Variants in CTNNA2 observed in about 807,000 individuals in gnomAD.
CTNNA2 encodes the protein catenin alpha 2.
CTNNA2 carries 42 observed loss-of-function variants against 101.0 expected under a neutral mutation model. That is an observed-to-expected ratio of 0.42 (90% CI 0.32 to 0.54). The LOEUF (loss-of-function observed/expected upper bound fraction) is 0.54. Ranked by LOEUF, CTNNA2 falls within the 20% of genes least tolerant of loss-of-function variation. The pLI, the probability that CTNNA2 is intolerant of heterozygous loss-of-function variation, is 0.14. For missense variants in CTNNA2, 871 were observed against 1,223.1 expected (o/e 0.71, Z 4.29); for synonymous variants, 450 against 456.4 (o/e 0.99, Z 0.18).
At chr2:79,248,781 GC>G (rs1674730658) in intron 2 of CTNNA2, among the ~76,000 whole-genome samples, 1 of 152,176 alleles carries the variant, frequency 6.6e-6, no homozygotes, top group African/African-American at 2.4e-5. Context: ...TTTGTACCAA[GC>G]AGGAAAGCTT....
chr2:79,782,966 C>CTTTTTTTTTTT, intron 3 of CTNNA2, among the ~76,000 whole-genome samples: 1 of 145,978 alleles, frequency 6.9e-6, no homozygotes, highest in Non-Finnish European at 1.5e-5. Context: ...TCTTGACAGT[C>CTTTTTTTTTTT]TTTTTTTTTT....
At chr2:79,586,554 T>A in intron 1 of CTNNA2, among the ~76,000 whole-genome samples, 1 of 152,056 alleles carries the variant, frequency 6.6e-6, no homozygotes, top group East Asian at 1.9e-4. Flanking sequence ...TTTCTTTTTT[T>A]GTTATGTTTC....
chr2:80,618,782 C>T, intron 17 of CTNNA2: 1 of 202,006 alleles, frequency 5.0e-6, no homozygotes, highest in Non-Finnish European at 9.9e-6. Context: ...GATTCACCCC[C>T]TTTGAGCCCC....
chr2:79,482,489 G>A (rs1180201344), intron 4 of CTNNA2, among the ~76,000 whole-genome samples: 3 of 152,108 alleles, frequency 2.0e-5, no homozygotes, highest in South Asian at 2.1e-4. Flanking sequence ...TTGTGGCAGC[G>A]CAGCTATTCT....
At chr2:80,101,549 C>G (rs1368207705) in intron 7 of CTNNA2, among the ~76,000 whole-genome samples, 1 of 152,102 alleles carries the variant, frequency 6.6e-6, no homozygotes, top group Admixed American at 6.5e-5. Context: ...TAGCCTAATC[C>G]CAATTCTCCT....
chr2:80,165,285 G>A (rs1704604006), intron 7 of CTNNA2, among the ~76,000 whole-genome samples: 2 of 149,210 alleles, frequency 1.3e-5, no homozygotes, highest in Admixed American at 1.3e-4. Flanking sequence ...GCTAGTTCCT[G>A]ATTTTTTTCT....
chr2:79,252,165 C>G (rs1392281989), intron 2 of CTNNA2, among the ~76,000 whole-genome samples: 1 of 152,118 alleles, frequency 6.6e-6, no homozygotes, highest in Non-Finnish European at 1.5e-5. Flanking sequence ...CTTATCAGCT[C>G]TGCAAGAATA....
chr2:79,801,211 C>G lies in CTNNA2; in HGVS notation c.298+56629C>G, dbSNP rs139102295. ...TGCCTCTTGTGCACTCCCTCATTGTCTTCAGCCACTGTGGTGTGACCAGCT... is the reference window on the plus strand; with the variant it reads ...TGCCTCTTGTGCACTCCCTCATTGTGTTCAGCCACTGTGGTGTGACCAGCT... On this transcript the variant is annotated intron_variant, in intron 3 of 18. Transcript: ENST00000402739. Among the ~76,000 whole-genome samples, 79 of 152,290 alleles carry G rather than the reference C, an allele frequency of 5.2e-4. 1 individual carries two copies. The highest frequency in any genetic ancestry group is 1.9e-3 in the African/African-American group (77 of 41,554).
intron 7 of CTNNA2, among the ~76,000 whole-genome samples, chr2:80,022,169 T>A (rs1694611777): frequency 1.3e-5 from 2 of 152,168 alleles, no homozygotes; most frequent in South Asian, 4.1e-4. Flanking sequence ...ATCTTGTGGG[T>A]TTATATGACA....
intron 7 of CTNNA2, among the ~76,000 whole-genome samples, chr2:79,958,533 A>C (rs1286001087): frequency 6.6e-6 from 1 of 152,188 alleles, no homozygotes; most frequent in African/African-American, 2.4e-5. Context: ...ACCATGAGCC[A>C]AGAAATGTTA....
intron 2 of CTNNA2, among the ~76,000 whole-genome samples, chr2:79,303,060 T>C (rs1433875476): frequency 6.6e-6 from 1 of 152,212 alleles, no homozygotes; most frequent in African/African-American, 2.4e-5. Flanking sequence ...GATGCTATGC[T>C]GATTTTTGAC....
intron 7 of CTNNA2, among the ~76,000 whole-genome samples, chr2:80,269,690 C>T (rs552006188): frequency 1.4e-4 from 22 of 152,176 alleles, no homozygotes; most frequent in Admixed American, 5.9e-4. Context: ...ACTATACAAT[C>T]TGAATGCTAT....
chr2:79,898,830 T>C (rs116156509), intron 6 of CTNNA2, among the ~76,000 whole-genome samples: 2,010 of 152,216 alleles, frequency 0.013, 54 homozygotes, highest in African/African-American at 0.046. Flanking sequence ...GGGTCGGGAT[T>C]GGACATGGTA....
rs1196144388 is a variant in CTNNA2, at chr2:80,075,574, T to TAATATTTATACATGTATAAATATA, written c.1056+165825_1056+165848dup. Reference sequence around the variant, plus strand: ...TTATACATGTATAAATATTATAAAATAATATTTATACATGTATAAATATAA... The same window carrying TAATATTTATACATGTATAAATATA: ...TTATACATGTATAAATATTATAAAATAATATTTATACATGTATAAATATAAATATTTATACATGTATAAATATAA... On this transcript the variant is annotated intron_variant, in intron 7 of 18. Coordinates refer to ENST00000402739, the MANE Select transcript of CTNNA2 (RefSeq NM_001282597.3). 2.3e-3 allele frequency among the ~76,000 whole-genome samples: 287 copies of TAATATTTATACATGTATAAATATA among 124,984 alleles called. 4 individuals are homozygous for TAATATTTATACATGTATAAATATA. Among genetic ancestry groups the TAATATTTATACATGTATAAATATA allele is most frequent in the African/African-American group, 3.5e-3 (113 of 32,068 alleles). The allele number at this position is 124,984 out of a possible 152,430, so 82.0% of individuals were successfully genotyped here.
At chr2:80,179,436 T>G (rs1075241) in intron 7 of CTNNA2, among the ~76,000 whole-genome samples, 2 of 151,854 alleles carry the variant, frequency 1.3e-5, no homozygotes, top group Non-Finnish European at 2.9e-5. Context: ...TGCAGTGGCA[T>G]GATCTCAGCT....
chr2:80,277,470 G>T (rs1197353866), intron 7 of CTNNA2, among the ~76,000 whole-genome samples: 1 of 145,148 alleles, frequency 6.9e-6, no homozygotes, highest in Non-Finnish European at 1.5e-5. Flanking sequence ...CATGAATTGA[G>T]AGGTAGAGAG....
At chr2:79,604,679 A>T (rs1415569583) in intron 1 of CTNNA2, among the ~76,000 whole-genome samples, 1 of 152,200 alleles carries the variant, frequency 6.6e-6, no homozygotes, top group African/African-American at 2.4e-5. Flanking sequence ...TTAGAAGGGA[A>T]TGTGCTGAGT....
At chr2:79,394,372 C>G (rs936239471) in intron 4 of CTNNA2, among the ~76,000 whole-genome samples, 1 of 152,116 alleles carries the variant, frequency 6.6e-6, no homozygotes, top group Non-Finnish European at 1.5e-5. Flanking sequence ...TAAATAAGAG[C>G]CTTCTGTGAG....
intron 3 of CTNNA2, among the ~76,000 whole-genome samples, chr2:79,831,818 A>G (rs1678949846): frequency 6.6e-6 from 1 of 151,362 alleles, no homozygotes; most frequent in Non-Finnish European, 1.5e-5. Flanking sequence ...TTGAATTCCA[A>G]TATTTATTTG....
Sources: allele counts gnomAD v4.1 joint callset (sites outside exome capture counted in the v4.1 genomes callset), GRCh38; gene constraint gnomAD v4.1.1; transcripts MANE v1.5; gene names NCBI Gene and HGNC (gene_info 2026-07-23, HGNC 2026-07-21).